Variants in OSBP2 observed in about 807,000 individuals in gnomAD.
OSBP2 encodes the protein oxysterol-binding protein 2.
Under a neutral mutation model 96.0 loss-of-function variants are expected in OSBP2, and 66 were observed. The observed-to-expected ratio is 0.69, with a 90% CI of 0.56 to 0.84. The LOEUF (loss-of-function observed/expected upper bound fraction) is 0.84. Among genes scored for constraint, OSBP2 ranks in the 40% least tolerant of loss-of-function variants. The pLI is 0.00. For synonymous variants in OSBP2, 525 were observed against 520.9 expected, an observed-to-expected ratio of 1.01 and a Z score of -0.11; for missense variants, 1,038 against 1,222.7, an observed-to-expected ratio of 0.85 and a Z score of 2.25.
rs550522983 is a variant in OSBP2, at chr22:30,727,720, C to T, written c.645-13441C>T. Among the ~76,000 whole-genome samples, 10 of 152,128 alleles carry T rather than the reference C, an allele frequency of 6.6e-5. No homozygotes were observed. In the South Asian group the frequency reaches 1.2e-3, roughly 19 times the overall value. ...TAAACTTTAACCTAAGTCTAATATG[C>T]GTAGAGAAAAGTAGACAAATAAGTG... On this transcript the variant is annotated intron_variant, in intron 1 of 13. Transcript: ENST00000332585.
Position 30,695,360 on chromosome 22 carries a change from C to G in OSBP2, c.451C>G (p.Pro151Ala). 6.2e-7 allele frequency: 1 copy of G among 1,613,880 alleles called. No individual in the cohort carries two copies. Among genetic ancestry groups the G allele is most frequent in the Non-Finnish European group, 8.5e-7 (1 of 1,180,044 alleles). Residue 151 changes from proline to alanine, a missense_variant, in exon 1 of 14, where the codon CCT (proline) becomes GCT (alanine). Transcript: ENST00000332585. Reference sequence around the variant, plus strand: ...ATCGCTGCCAGCGTTAAAGCCCCTGCCTCTTCTGCGACCAGGACAGGCGAA... The same window carrying G: ...ATCGCTGCCAGCGTTAAAGCCCCTGGCTCTTCTGCGACCAGGACAGGCGAA... ...SGSLPALKPL[P>A]LLRPGQAKTP...
chr22:30,766,630 C>A (rs1382615480), intron 2 of OSBP2, among the ~76,000 whole-genome samples: 1 of 152,150 alleles, frequency 6.6e-6, no homozygotes, highest in Non-Finnish European at 1.5e-5. Flanking sequence ...AGACTCTCTT[C>A]CCTTCAAACT....
At chr22:30,852,271 G>A (rs2038991595) in intron 2 of OSBP2, among the ~76,000 whole-genome samples, 1 of 152,106 alleles carries the variant, frequency 6.6e-6, no homozygotes, top group Non-Finnish European at 1.5e-5. Context: ...GAATTTGCCA[G>A]GGCCACCATT....
At chr22:30,791,277 A>G (rs941785250) in intron 2 of OSBP2, among the ~76,000 whole-genome samples, 2 of 138,738 alleles carry the variant, frequency 1.4e-5, no homozygotes, top group Non-Finnish European at 3.1e-5. Flanking sequence ...CAGCCAACAC[A>G]TCTCTTTTTC....
rs1289082137 is a variant in OSBP2, at chr22:30,871,165, A to G, written c.1107+483A>G. ...GCAGTCGAGGGCTCCCTGAGCTAGAAGGGCCTCAGAGCTGAGCCTGCCGAG... is the reference window on the plus strand; with the variant it reads ...GCAGTCGAGGGCTCCCTGAGCTAGAGGGGCCTCAGAGCTGAGCCTGCCGAG... On this transcript the variant is annotated intron_variant, in intron 3 of 13. Coordinates refer to ENST00000332585, the MANE Select transcript of OSBP2 (RefSeq NM_030758.4). This position sits in a 1 kb window ranked among gnomAD's most constrained non-coding sequence, Gnocchi z 4.7. Among the ~76,000 whole-genome samples, 18 of 152,146 alleles carry G rather than the reference A, an allele frequency of 1.2e-4. No individual in the cohort carries two copies. In the South Asian group the frequency reaches 3.1e-3, roughly 26 times the overall value.
chr22:30,717,594 AC>A (rs1376561210), intron 1 of OSBP2, among the ~76,000 whole-genome samples: 1 of 152,230 alleles, frequency 6.6e-6, no homozygotes, highest in Non-Finnish European at 1.5e-5. Context: ...AAAGCCCTGT[AC>A]TTACAAAAAG....
rs771812467 is a variant in OSBP2 at position 30,905,809 on chromosome 22, A to ACCGCCACCG, written c.2376-25_2376-17dup. The stretch of plus-strand genomic sequence containing the variant: ...GTGTGGTCCGGCTCACACCGCAGCC[A>ACCGCCACCG]CCGCCACCGCCACCACCACCGCCAC... On this transcript the variant is annotated intron_variant, in intron 12 of 13. Coordinates refer to ENST00000332585, the MANE Select transcript of OSBP2 (RefSeq NM_030758.4). 6.8e-5 allele frequency: 109 copies of ACCGCCACCG among 1,609,114 alleles called. No individual in the cohort carries two copies. The African/African-American group carries it at 1.0e-3, about 15-fold the overall frequency.
chr22:30,906,397 T>C lies in OSBP2; in HGVS notation c.*58T>C, dbSNP rs1384400282. 1.3e-6 allele frequency: 2 copies of C among 1,525,336 alleles called. No homozygotes were observed. Among genetic ancestry groups the C allele is most frequent in the Non-Finnish European group, 1.8e-6 (2 of 1,134,380 alleles). The allele number at this position is 1,525,336 out of a possible 1,614,324, so 94.5% of individuals were successfully genotyped here. A position where few individuals can be genotyped will look rare whatever the true frequency, so the allele number is the denominator to read the frequency against. On this transcript the variant is annotated 3_prime_UTR_variant, in exon 14 of 14. Coordinates refer to ENST00000332585, the MANE Select transcript of OSBP2 (RefSeq NM_030758.4). Reference sequence around the variant, plus strand: ...ACAGCCTGGCCCACCTGTTCATTAATGCACTCAATTTAGTACTGAATGGTC... The same window carrying C: ...ACAGCCTGGCCCACCTGTTCATTAACGCACTCAATTTAGTACTGAATGGTC...
chr22:30,858,127 TTTTG>T lies in OSBP2; in HGVS notation c.854-12278_854-12275del, dbSNP rs571615164. ...CAGGTTGTGATTCACTTTGTTTTTT[TTTTG>T]TTTGTTTGTTTGTTTGTTTGTTTTT... On this transcript the variant is annotated intron_variant, in intron 2 of 13. Coordinates refer to ENST00000332585, the MANE Select transcript of OSBP2 (RefSeq NM_030758.4). Among the ~76,000 whole-genome samples the T allele has an allele frequency of 7.8e-4, 103 of 131,828 alleles. 1 individual carries two copies. Among genetic ancestry groups the T allele is most frequent in the East Asian group, 7.3e-3 (32 of 4,400 alleles). The allele number at this position is 131,828 out of a possible 152,430, so 86.5% of individuals were successfully genotyped here.
chr22:30,900,105 G>A (rs537275082), intron 12 of OSBP2, among the ~76,000 whole-genome samples: 4 of 151,930 alleles, frequency 2.6e-5, no homozygotes, highest in Non-Finnish European at 4.4e-5. Context: ...CTAAAAATAC[G>A]ACATTAGGCG....
intron 2 of OSBP2, among the ~76,000 whole-genome samples, chr22:30,765,408 C>T (rs992891976): frequency 4.6e-5 from 7 of 152,028 alleles, no homozygotes; most frequent in African/African-American, 1.7e-4. Flanking sequence ...TGGGTTTCAC[C>T]ATGTTGTCCA....
intron 1 of OSBP2, among the ~76,000 whole-genome samples, chr22:30,708,416 G>A (rs2089290285): frequency 6.8e-6 from 1 of 146,320 alleles, no homozygotes; most frequent in African/African-American, 2.5e-5. Flanking sequence ...TCATTTTAAA[G>A]TGAATTCTAA....
At chr22:30,865,240 A>G (rs1013435313) in intron 2 of OSBP2, among the ~76,000 whole-genome samples, 8 of 152,148 alleles carry the variant, frequency 5.3e-5, no homozygotes, top group Non-Finnish European at 1.2e-4. Flanking sequence ...ACAGGGGTCA[A>G]GGAGATCCCT....
intron 2 of OSBP2, among the ~76,000 whole-genome samples, chr22:30,796,708 A>T (rs749091309): frequency 6.6e-6 from 1 of 152,098 alleles, no homozygotes; most frequent in East Asian, 1.9e-4. Context: ...GGGGTTCACC[A>T]TGTTGACCAG....
chr22:30,720,951 A>G (rs926426636), intron 1 of OSBP2, among the ~76,000 whole-genome samples: 1 of 152,154 alleles, frequency 6.6e-6, no homozygotes, highest in Non-Finnish European at 1.5e-5. Context: ...GAGGCCTGGC[A>G]CGGTGGCTCA....
intron 12 of OSBP2, chr22:30,902,242 T>G: frequency 6.6e-7 from 1 of 1,514,212 alleles, no homozygotes; most frequent in Non-Finnish European, 9.0e-7. Context: ...ATGTAGGGAA[T>G]CTACCTTTTA....
Position 30,872,717 on chromosome 22 carries a change from C to G in OSBP2, c.1107+2035C>G, listed in dbSNP as rs185080840. 1.6e-4 allele frequency among the ~76,000 whole-genome samples: 25 copies of G among 152,320 alleles called. 1 individual carries two copies. In the East Asian group the frequency reaches 4.3e-3, roughly 26 times the overall value. On this transcript the variant is annotated intron_variant, in intron 3 of 13. Coordinates refer to ENST00000332585, the MANE Select transcript of OSBP2 (RefSeq NM_030758.4). The stretch of plus-strand genomic sequence containing the variant: ...ATCAGGGGCAGGGAGGGCAGGAGTG[C>G]AGTGCTGCCCCGACAGACTGTGCTT...
intron 12 of OSBP2, 192 bp downstream of exon 12, chr22:30,894,193 C>G: frequency 5.0e-6 from 3 of 595,896 alleles, no homozygotes; most frequent in Non-Finnish European, 8.9e-6. Context: ...CTATCAAACA[C>G]TATGCACAGA....
rs2039934066 is a variant in OSBP2 at position 30,890,932 on chromosome 22, G to A, written c.1828G>A (p.Asp610Asn). The A allele has an allele frequency of 1.2e-6, 2 of 1,611,442 alleles. No homozygotes were observed. Among genetic ancestry groups the A allele is most frequent in the African/African-American group, 1.3e-5 (1 of 74,944 alleles). The change falls in exon 8 of 14, where the codon GAC becomes AAC. Residue 610 changes from aspartate to asparagine, a missense_variant. Physicochemically the swap from Asp to Asn is conservative, Grantham distance 23. This residue lies in a region of OSBP2 where 737 missense variants were observed against 913.3 expected (regional missense o/e 0.81). Transcript: ENST00000332585. This position sits in a 1 kb window ranked among gnomAD's most constrained non-coding sequence, Gnocchi z 4.4. ...CATGCTGGGGGAGACCTTCGAGCTG[G>A]ACCGCCTCGACGACATGGGCCTGCG... is the stretch of plus-strand genomic sequence containing the variant. ...NPMLGETFEL[D>N]RLDDMGLRSL... is the part of the protein sequence containing the mutation.
Sources: allele counts gnomAD v4.1 joint callset (sites outside exome capture counted in the v4.1 genomes callset), GRCh38; gene constraint gnomAD v4.1.1; regional missense constraint gnomAD v4.1.1; non-coding constraint Gnocchi (gnomAD v3.1); transcripts MANE v1.5; gene names NCBI Gene and HGNC (gene_info 2026-07-23, HGNC 2026-07-21).